Variants in NOX4 observed in about 807,000 individuals in gnomAD.
NOX4 encodes the protein kidney oxidase-1.
A neutral mutation model predicts 87.6 loss-of-function variants in NOX4; 69 were observed. That is an observed-to-expected ratio of 0.79 (90% CI 0.65 to 0.96). The LOEUF is 0.96. Among genes scored for constraint, NOX4 ranks in the 40% least tolerant of loss-of-function variants. The pLI, the probability that NOX4 is intolerant of heterozygous loss-of-function variation, is 0.00. For missense variants in NOX4, 680 were observed against 681.5 expected (o/e 1.00, Z 0.02); for synonymous variants, 275 against 238.2 (o/e 1.15, Z -1.42).
intron 8 of NOX4, among the ~76,000 whole-genome samples, chr11:89,408,517 G>T (rs1297453123): frequency 6.6e-6 from 1 of 152,148 alleles, no homozygotes; most frequent in East Asian, 1.9e-4. Flanking sequence ...GATCCAGTGT[G>T]CCTCAGGAAA....
At chr11:89,426,309 G>C (rs1301171948) in intron 7 of NOX4, among the ~76,000 whole-genome samples, 1 of 152,144 alleles carries the variant, frequency 6.6e-6, no homozygotes, top group Non-Finnish European at 1.5e-5. Context: ...ACGCAGAGAA[G>C]GGTGATTTCT....
intron 13 of NOX4, among the ~76,000 whole-genome samples, chr11:89,347,157 C>T (rs1401696645): frequency 6.6e-6 from 1 of 152,110 alleles, no homozygotes; most frequent in Non-Finnish European, 1.5e-5. Flanking sequence ...AATTACTGTG[C>T]TTGTAGAAAC....
rs116274267 is a variant in NOX4 at position 89,392,946 on chromosome 11, G to A, written c.1074+7071C>T. The stretch of plus-strand genomic sequence containing the variant: ...GTGAGCTGTTCTCACTGACATGATC[G>A]GTGTCCCCAGAACAAAAGATAAGCA... On this transcript the variant is annotated intron_variant, in intron 11 of 17. Coordinates refer to ENST00000263317, the MANE Select transcript of NOX4 (RefSeq NM_016931.5). Among the ~76,000 whole-genome samples the A allele has an allele frequency of 5.2e-3, 792 of 152,152 alleles. 1 individual carries two copies. Among genetic ancestry groups the A allele is most frequent in the African/African-American group, 0.017 (695 of 41,522 alleles).
chr11:89,335,442 G>T (rs552467095), intron 17 of NOX4, among the ~76,000 whole-genome samples: 19 of 151,808 alleles, frequency 1.3e-4, no homozygotes, highest in South Asian at 4.2e-4. Context: ...GTAAAAAAAG[G>T]TACAAAAAAT....
At chr11:89,360,482 C>A (rs1052638985) in intron 12 of NOX4, among the ~76,000 whole-genome samples, 12 of 151,824 alleles carry the variant, frequency 7.9e-5, no homozygotes, top group African/African-American at 2.9e-4. Flanking sequence ...GTCAATTATA[C>A]CTAAATAAAG....
chr11:89,419,541 T>C (rs1439266132), intron 8 of NOX4, among the ~76,000 whole-genome samples: 1 of 151,974 alleles, frequency 6.6e-6, no homozygotes, highest in African/African-American at 2.4e-5. Context: ...TATTGTATTA[T>C]GTATGGGTTG....
intron 13 of NOX4, among the ~76,000 whole-genome samples, chr11:89,348,249 T>C (rs1280052744): frequency 6.6e-6 from 1 of 152,034 alleles, no homozygotes; most frequent in African/African-American, 2.4e-5. Context: ...ACCTTGTCTC[T>C]ACTAAAAACG....
chr11:89,378,283 C>A (rs1349563618), intron 11 of NOX4, among the ~76,000 whole-genome samples: 3 of 152,182 alleles, frequency 2.0e-5, no homozygotes, highest in African/African-American at 7.2e-5. Flanking sequence ...CTCGTCCCTT[C>A]ATCTTCACAC....
the NOX4 span, among the ~76,000 whole-genome samples, chr11:89,583,911 A>G: frequency 6.6e-6 from 1 of 152,214 alleles, no homozygotes; most frequent in Middle Eastern, 3.2e-3. Context: ...AATGCAACCA[A>G]TAAAAGATAG....
chr11:89,358,631 A>T (rs1178842819), intron 12 of NOX4, among the ~76,000 whole-genome samples: 2 of 151,716 alleles, frequency 1.3e-5, no homozygotes, highest in Non-Finnish European at 2.9e-5. Context: ...AAGTAAATGG[A>T]AAAATTATTT....
intron 2 of NOX4, among the ~76,000 whole-genome samples, chr11:89,474,571 A>G (rs574840326): frequency 6.6e-6 from 1 of 152,040 alleles, no homozygotes; most frequent in African/African-American, 2.4e-5. Flanking sequence ...TAAAGATAAA[A>G]TTAATTAGCC....
At chr11:89,378,823 CA>C (rs1218000325) in intron 11 of NOX4, among the ~76,000 whole-genome samples, 8 of 152,158 alleles carry the variant, frequency 5.3e-5, no homozygotes, top group African/African-American at 1.9e-4. Flanking sequence ...TGCAATTTCA[CA>C]AGTGAAGATT....
At position 89,324,817 on chromosome 11, in the gene NOX4, A is replaced by G. The variant is rs978640278; in HGVS notation, c.*1939T>C. 1 of 152,220 alleles carries G rather than the reference A, an allele frequency of 6.6e-6. No individual in the cohort carries two copies. Among genetic ancestry groups the G allele is most frequent in the Non-Finnish European group, 1.5e-5 (1 of 68,042 alleles). The allele number at this position is 152,220 out of a possible 1,614,324, so 9.4% of individuals were successfully genotyped here. On this transcript the variant is annotated 3_prime_UTR_variant, in exon 18 of 18. Coordinates refer to ENST00000263317, the MANE Select transcript of NOX4 (RefSeq NM_016931.5). ...AATATGCCTTCAGAGCTAAATCTGCATGAGCATTCCACATTTCCTATCACT... is the reference window on the plus strand; with the variant it reads ...AATATGCCTTCAGAGCTAAATCTGCGTGAGCATTCCACATTTCCTATCACT...
chr11:89,424,211 G>A (rs1316950027), intron 7 of NOX4, among the ~76,000 whole-genome samples: 1 of 151,308 alleles, frequency 6.6e-6, no homozygotes, highest in Admixed American at 6.6e-5. Flanking sequence ...AATCGTAAGT[G>A]GTATATTTTT....
At chr11:89,335,263 C>T (rs1208799409) in intron 17 of NOX4, among the ~76,000 whole-genome samples, 3 of 151,750 alleles carry the variant, frequency 2.0e-5, no homozygotes, top group Admixed American at 2.0e-4. Flanking sequence ...GAAATGGAAG[C>T]TTTCCTTCTT....
intron 7 of NOX4, among the ~76,000 whole-genome samples, chr11:89,431,302 CT>C (rs1943767643): frequency 1.3e-5 from 2 of 152,132 alleles, no homozygotes; most frequent in Non-Finnish European, 2.9e-5. Flanking sequence ...TGAGCAAGGA[CT>C]TCATGTCTAA....
intron 13 of NOX4, among the ~76,000 whole-genome samples, chr11:89,351,590 G>A (rs762551152): frequency 6.6e-6 from 1 of 152,096 alleles, no homozygotes; most frequent in African/African-American, 2.4e-5. Flanking sequence ...TAATGTAGCT[G>A]GTCACTTTAA....
At chr11:89,526,710 C>T in the NOX4 span, among the ~76,000 whole-genome samples, 1 of 152,160 alleles carries the variant, frequency 6.6e-6, no homozygotes. Flanking sequence ...TGCCTTGCTT[C>T]CCATTTGCCT....
intron 12 of NOX4, among the ~76,000 whole-genome samples, chr11:89,371,330 C>T (rs1429924483): frequency 2.0e-5 from 3 of 151,814 alleles, no homozygotes; most frequent in Admixed American, 2.0e-4. Context: ...GAACTGAACT[C>T]TGAATAGAAT....
Sources: allele counts gnomAD v4.1 joint callset (sites outside exome capture counted in the v4.1 genomes callset), GRCh38; gene constraint gnomAD v4.1.1; transcripts MANE v1.5; gene names NCBI Gene and HGNC (gene_info 2026-07-23, HGNC 2026-07-21).